The following MAP3K12 variants were observed in gnomAD, a reference collection of about 807,000 sequenced individuals.
The protein encoded by MAP3K12 is mitogen-activated protein kinase kinase kinase 12.
MAP3K12 carries 14 observed loss-of-function variants against 87.5 expected under a neutral mutation model. That is an observed-to-expected ratio of 0.16 (90% CI 0.11 to 0.25). The LOEUF is 0.25. Ranked by LOEUF, MAP3K12 falls within the 10% of genes least tolerant of loss-of-function variation. MAP3K12 has a pLI of 1.00. For synonymous variants in MAP3K12, 469 were observed against 452.5 expected (o/e 1.04, Z -0.46); for missense variants, 802 against 1,140.4 (o/e 0.70, Z 4.27).
Position 53,484,788 on chromosome 12 carries a change from CCTTGTA to C in MAP3K12, c.1139+262_1139+267del, listed in dbSNP as rs760225089. 1.3e-4 allele frequency: 67 copies of C among 520,420 alleles called. 1 individual carries two copies. Among genetic ancestry groups the C allele is most frequent in the Middle Eastern group, 1.0e-3 (2 of 1,940 alleles). 32.2% of individuals were successfully genotyped at this position (520,420 alleles called of 1,614,324 possible). Reference sequence around the variant, plus strand: ...ATGCTTGGTGGTTATGCTGCTCCTTCCTTGTACTTGTATGCACTCACTGGCACTTCA... The same window carrying C: ...ATGCTTGGTGGTTATGCTGCTCCTTCCTTGTATGCACTCACTGGCACTTCA... On this transcript the variant is annotated intron_variant, in intron 6 of 13. Transcript: ENST00000547488.
At chr12:53,484,475 A>G in intron 6 of MAP3K12, 110 bp from the exon 7 acceptor site, 1 of 719,542 alleles carries the variant, frequency 1.4e-6, no homozygotes, top group Non-Finnish European at 2.4e-6. Context: ...CCTAGAATGT[A>G]CTCTGTGACA....
chr12:53,495,753 G>T (rs1458872204), intron 1 of MAP3K12, among the ~76,000 whole-genome samples: 1 of 152,010 alleles, frequency 6.6e-6, no homozygotes, highest in Non-Finnish European at 1.5e-5. Flanking sequence ...AAGAGGAAAA[G>T]AACTATTGCT....
Position 53,482,044 on chromosome 12 carries a change from G to T in MAP3K12, c.2477C>A (p.Ser826Tyr). 1 of 1,614,194 alleles carries T rather than the reference G, an allele frequency of 6.2e-7. No individual in the cohort carries two copies. Among genetic ancestry groups the T allele is most frequent in the South Asian group, 1.1e-5 (1 of 91,090 alleles). ...RPDERSDDMC[S>Y]QGSEIPLDPP... is the part of the protein sequence containing the mutation. ...GTCCAGTGGGATTTCTGAGCCCTGG[G>T]AGCACATGTCATCAGACCGCTCATC... is the stretch of plus-strand genomic sequence containing the variant. The change falls in exon 13 of 14, where the codon TCC (serine) becomes TAC (tyrosine). Residue 826 changes from serine to tyrosine, a missense_variant. Coordinates refer to ENST00000547488, the MANE Select transcript of MAP3K12 (RefSeq NM_001193511.2).
upstream of MAP3K12, chr12:53,500,180 T>G (rs1943653770): frequency 1.3e-5 from 2 of 152,164 alleles, no homozygotes; most frequent in Non-Finnish European, 2.9e-5. Context: ...AACCTTTTTT[T>G]TTTTTAATGT....
intron 1 of MAP3K12, among the ~76,000 whole-genome samples, chr12:53,493,383 G>C (rs1251976405): frequency 6.6e-6 from 1 of 152,140 alleles, no homozygotes; most frequent in African/African-American, 2.4e-5. Context: ...CGGCTGAGGC[G>C]TCTGGTGTTG....
chr12:53,482,031 T>A lies in MAP3K12; in HGVS notation c.2490A>T (p.Glu830Asp). Residue 830 changes from glutamate (E) to aspartate (D), a missense_variant, in exon 13 of 14, where the codon GAA becomes GAT. Around this residue, in one of 5 missense-constraint regions of MAP3K12, gnomAD observed 490 missense variants for 496.6 expected, o/e 0.99. Transcript: ENST00000547488. ...CTGAAGGAGGTGGGTCCAGTGGGAT[T>A]TCTGAGCCCTGGGAGCACATGTCAT... is the stretch of plus-strand genomic sequence containing the variant. ...RSDDMCSQGSEIPLDPPPSEV... is the reference protein window; with the variant it reads ...RSDDMCSQGSDIPLDPPPSEV... 6.2e-7 allele frequency: 1 copy of A among 1,614,182 alleles called. No homozygotes were observed. Among genetic ancestry groups the A allele is most frequent in the Non-Finnish European group, 8.5e-7 (1 of 1,180,028 alleles).
At chr12:53,488,436 C>T (rs1270932708) in intron 1 of MAP3K12, among the ~76,000 whole-genome samples, 1 of 152,066 alleles carries the variant, frequency 6.6e-6, no homozygotes, top group Admixed American at 6.5e-5. Flanking sequence ...CCGAGGCGGG[C>T]GGATCACCTG....
chr12:53,481,880 C>T (rs1023876189), intron 13 of MAP3K12, 61 bp downstream of exon 13: 21 of 1,566,172 alleles, frequency 1.3e-5, no homozygotes, highest in Non-Finnish European at 1.8e-5. Context: ...TGTTAAAAGA[C>T]AAGGCATCTG....
chr12:53,496,594 G>A (rs1239436289), intron 1 of MAP3K12, among the ~76,000 whole-genome samples: 2 of 152,184 alleles, frequency 1.3e-5, no homozygotes, highest in Admixed American at 6.5e-5. Context: ...GTTCCTCAAC[G>A]GGATGGGCAT....
At chr12:53,490,701 G>A (rs1164106698) in intron 1 of MAP3K12, among the ~76,000 whole-genome samples, 3 of 149,978 alleles carry the variant, frequency 2.0e-5, no homozygotes, top group Non-Finnish European at 4.4e-5. Flanking sequence ...AGCCGAGATC[G>A]CACCACTGCA....
chr12:53,482,531 A>C (rs1943092453), intron 11 of MAP3K12, 34 bp downstream of exon 11: 21 of 1,594,032 alleles, frequency 1.3e-5, no homozygotes, highest in Non-Finnish European at 1.8e-5. Flanking sequence ...ATAAGGAAAA[A>C]GGGAAAGAGC....
intron 1 of MAP3K12, among the ~76,000 whole-genome samples, chr12:53,494,991 C>T (rs1477542267): frequency 6.6e-6 from 1 of 152,024 alleles, no homozygotes; most frequent in East Asian, 1.9e-4. Flanking sequence ...AGTGATCCTC[C>T]CCCTTCAGCC....
rs758665071 is a variant in MAP3K12 at position 53,482,904 on chromosome 12, G to A, written c.1899C>T (p.Asp633=). The change falls in exon 11 of 14, where the codon GAC becomes GAT. Residue 633 remains aspartate, a synonymous_variant. Coordinates refer to ENST00000547488, the MANE Select transcript of MAP3K12 (RefSeq NM_001193511.2). ...CPPALRGLHH[D]LLLRKMSSSS... ...ATGAAGACATTTTGCGGAGCAGGAG[G>A]TCATGATGAAGCCCACGGAGGGCGG... 4.3e-5 allele frequency: 70 copies of A among 1,610,954 alleles called. No homozygotes were observed. The highest frequency in any genetic ancestry group is 5.7e-5 in the Non-Finnish European group (67 of 1,179,852).
At chr12:53,501,149 G>T, upstream of MAP3K12, 1 of 548,968 alleles carries the variant, frequency 1.8e-6, no homozygotes, top group Non-Finnish European at 3.2e-6. Context: ...GAGAAGCGAC[G>T]GCGGAGGGCC....
At chr12:53,483,815 C>T (rs754309044) in intron 8 of MAP3K12, 92 bp from the exon 9 acceptor site, 23 of 1,611,266 alleles carry the variant, frequency 1.4e-5, no homozygotes, top group Middle Eastern at 1.7e-4. Flanking sequence ...ACAGTCCTTT[C>T]GTAGTCCTTC....
chr12:53,485,265 A>T, intron 5 of MAP3K12, 51 bp from the exon 6 acceptor site: 1 of 1,601,546 alleles, frequency 6.2e-7, no homozygotes, highest in South Asian at 1.1e-5. Context: ...GTTGCCCACA[A>T]TCCCCCCAGG....
chr12:53,484,572 C>T (rs1475144014), intron 6 of MAP3K12: 3 of 539,264 alleles, frequency 5.6e-6, no homozygotes, highest in Non-Finnish European at 9.8e-6. Flanking sequence ...ACCTATTGAA[C>T]CCCATATTTT....
chr12:53,496,217 G>C (rs1943545232), intron 1 of MAP3K12, among the ~76,000 whole-genome samples: 1 of 152,150 alleles, frequency 6.6e-6, no homozygotes, highest in Admixed American at 6.6e-5. Flanking sequence ...TGTGATTTCA[G>C]GTTCCAGTAG....
intron 13 of MAP3K12, chr12:53,481,486 A>G: frequency 3.2e-6 from 1 of 314,568 alleles, no homozygotes. Context: ...AGTAGCTGGG[A>G]CTACAGGCAT....
Sources: allele counts gnomAD v4.1 joint callset (sites outside exome capture counted in the v4.1 genomes callset), GRCh38; gene constraint gnomAD v4.1.1; regional missense constraint gnomAD v4.1.1; transcripts MANE v1.5; gene names NCBI Gene and HGNC (gene_info 2026-07-23, HGNC 2026-07-21).